The following MBD5 variants were observed in gnomAD, a reference collection of about 807,000 sequenced individuals.
The protein encoded by MBD5 is methyl-CpG-binding domain protein 5.
MBD5 carries 13 observed loss-of-function variants against 117.3 expected under a neutral mutation model. The ratio of observed to expected loss-of-function variants is 0.11; its 90% CI spans 0.07 to 0.18. MBD5 has a LOEUF of 0.18. MBD5 is among the 10% of genes least tolerant of loss of function. The probability of loss-of-function intolerance (pLI) is 1.00; values close to 1 mark genes in which losing one functional copy is unlikely to be tolerated. For missense variants in MBD5, 1,879 were observed against 2,093.8 expected, an observed-to-expected ratio of 0.90 and a Z score of 2.00; for synonymous variants, 727 against 766.4, an observed-to-expected ratio of 0.95 and a Z score of 0.85.
At chr2:148,491,948 A>G (rs1681538759) in intron 11 of MBD5, among the ~76,000 whole-genome samples, 1 of 151,840 alleles carries the variant, frequency 6.6e-6, no homozygotes, top group Admixed American at 6.6e-5. Context: ...TTTATGTGCC[A>G]TTTTACCAAA....
Position 148,458,228 on chromosome 2 carries a change from A to G in MBD5, c.-531A>G. 1 of 403,190 alleles carries G rather than the reference A, an allele frequency of 2.5e-6. No homozygotes were observed. 25.0% of individuals were successfully genotyped at this position (403,190 alleles called of 1,614,324 possible). ...GCTACATTATTGGAATTTTGAAGTC[A>G]TGAAAACATCAGATGAACCAACCTG... On this transcript the variant is annotated 5_prime_UTR_variant, in exon 5 of 14. The change abolishes an upstream ATG in the 5' untranslated region. Transcript: ENST00000642680.
At chr2:148,480,967 T>C (rs1410452479) in intron 8 of MBD5, among the ~76,000 whole-genome samples, 5 of 152,170 alleles carry the variant, frequency 3.3e-5, no homozygotes, top group African/African-American at 1.2e-4. Flanking sequence ...AGATTTGTAC[T>C]TACTACTATT....
intron 4 of MBD5, chr2:148,347,440 A>G (rs921384467): frequency 6.6e-6 from 1 of 152,004 alleles, no homozygotes; most frequent in Non-Finnish European, 1.5e-5. Context: ...AATGGCCTCT[A>G]TAAGAATTTA....
chr2:148,294,513 T>TTGTTTTTTTTTTTTTTTTTTTTTTTG (rs1387426588), intron 3 of MBD5, among the ~76,000 whole-genome samples: 4 of 139,846 alleles, frequency 2.9e-5, no homozygotes, highest in Admixed American at 7.2e-5. Flanking sequence ...TTTTTTTTTT[T>TTGTTTTTTTTTTTTTTTTTTTTTTTG]TTTTTTTTGA....
chr2:148,490,385 C>G lies in MBD5; in HGVS notation c.4753C>G (p.Pro1585Ala), dbSNP rs1234510259. 6.2e-7 allele frequency: 1 copy of G among 1,613,948 alleles called. No individual in the cohort carries two copies. The highest frequency in any genetic ancestry group is 8.5e-7 in the Non-Finnish European group (1 of 1,180,018). The change falls in exon 11 of 14, where the codon CCT becomes GCT. Residue 1585 changes from proline to alanine, a missense_variant. Physicochemically the swap from Pro to Ala is conservative, Grantham distance 27. Around this residue, in one of 4 missense-constraint regions of MBD5, gnomAD observed 1,666 missense variants for 1,792.2 expected, o/e 0.93. Transcript: ENST00000642680. ...AAGCGTTAATGGGTGTGTGCCTAGC[C>G]CTTCAGATGCTAAAAGCATTAGTAG... ...AKSVNGCVPS[P>A]SDAKSISSED...
chr2:148,450,482 C>G (rs953387698), intron 4 of MBD5, among the ~76,000 whole-genome samples: 1 of 152,174 alleles, frequency 6.6e-6, no homozygotes, highest in East Asian at 1.9e-4. Context: ...CAGCTCATCC[C>G]TGTTCCACAT....
intron 4 of MBD5, among the ~76,000 whole-genome samples, chr2:148,442,030 C>A (rs1310240492): frequency 6.6e-6 from 1 of 151,958 alleles, no homozygotes; most frequent in Non-Finnish European, 1.5e-5. Context: ...GAGTAGATTG[C>A]AAAAATTTTC....
intron 7 of MBD5, among the ~76,000 whole-genome samples, 170 bp downstream of exon 7, chr2:148,464,089 T>C (rs1341582127): frequency 6.6e-6 from 1 of 152,130 alleles, no homozygotes; most frequent in African/African-American, 2.4e-5. Context: ...TCTGAAAAAA[T>C]ATAGTGAGGT....
At chr2:148,273,104 A>G (rs899703336) in intron 3 of MBD5, among the ~76,000 whole-genome samples, 5 of 152,090 alleles carry the variant, frequency 3.3e-5, no homozygotes, top group South Asian at 2.1e-4. Flanking sequence ...CTCATTTCCT[A>G]TTGAAATCAC....
intron 1 of MBD5, among the ~76,000 whole-genome samples, chr2:148,090,371 G>T (rs566129091): frequency 2.3e-4 from 35 of 151,942 alleles, no homozygotes; most frequent in African/African-American, 8.4e-4. Context: ...ACCAAAACCA[G>T]GAAAGGACAT....
intron 1 of MBD5, among the ~76,000 whole-genome samples, chr2:148,116,869 T>G (rs1696652814): frequency 6.6e-6 from 1 of 152,178 alleles, no homozygotes; most frequent in Non-Finnish European, 1.5e-5. Context: ...AGCACATAGG[T>G]AAGTCTGATT....
chr2:148,329,608 T>A (rs1440550421), intron 3 of MBD5, among the ~76,000 whole-genome samples: 1 of 152,142 alleles, frequency 6.6e-6, no homozygotes, highest in East Asian at 1.9e-4. Context: ...TTATGGAGCA[T>A]AAATATCACA....
At chr2:148,342,859 A>G (rs191436249) in intron 4 of MBD5, among the ~76,000 whole-genome samples, 1 of 152,064 alleles carries the variant, frequency 6.6e-6, no homozygotes, top group Admixed American at 6.6e-5. Flanking sequence ...TGTGGTATAA[A>G]TGATCTCCTC....
intron 1 of MBD5, among the ~76,000 whole-genome samples, chr2:148,023,578 T>C (rs1399436122): frequency 2.0e-5 from 3 of 152,186 alleles, no homozygotes; most frequent in African/African-American, 7.2e-5. Context: ...CCATTCCAAG[T>C]CCTTGTAAGG....
rs1705853192 is a variant in MBD5 at position 148,427,846 on chromosome 2, A to C, written c.-556-30357A>C. 2.0e-5 allele frequency among the ~76,000 whole-genome samples: 3 copies of C among 147,466 alleles called. No individual in the cohort carries two copies. In the South Asian group the frequency reaches 6.5e-4, roughly 32 times the overall value. ...GAAGGAAATACCCAAAAATGTCCAC[A>C]AAAAAAAAAGAGCTATGTATGACAA... On this transcript the variant is annotated intron_variant, in intron 4 of 13. Transcript: ENST00000642680.
chr2:148,395,444 T>C (rs112211167), intron 4 of MBD5, among the ~76,000 whole-genome samples: 26 of 149,934 alleles, frequency 1.7e-4, no homozygotes, highest in South Asian at 6.5e-4. Context: ...TTTTTTTTTT[T>C]CACAGAGTCT....
At chr2:148,484,337 T>G (rs928911415) in intron 9 of MBD5, among the ~76,000 whole-genome samples, 3 of 152,238 alleles carry the variant, frequency 2.0e-5, no homozygotes, top group Non-Finnish European at 4.4e-5. Flanking sequence ...CTTTCCCCTA[T>G]TCTAGCAATA....
At chr2:148,417,972 T>C (rs547556776) in intron 4 of MBD5, among the ~76,000 whole-genome samples, 1 of 152,168 alleles carries the variant, frequency 6.6e-6, no homozygotes, top group Non-Finnish European at 1.5e-5. Context: ...CACGAGTAGC[T>C]GAGACTACAG....
intron 2 of MBD5, among the ~76,000 whole-genome samples, chr2:148,198,712 T>C (rs918212327): frequency 6.6e-6 from 1 of 152,068 alleles, no homozygotes; most frequent in African/African-American, 2.4e-5. Context: ...TAACTTCTGC[T>C]TCTTAATGGT....
Sources: gnomAD v4.1 joint callset for allele counts (sites outside exome capture counted in the v4.1 genomes callset) on GRCh38, gnomAD v4.1.1 for gene constraint, gnomAD v4.1.1 regional missense constraint, MANE v1.5 for transcripts, NCBI Gene and HGNC (gene_info 2026-07-23, HGNC 2026-07-21) for gene names.